The following FBXW9 variants were observed in gnomAD, a reference collection of about 807,000 sequenced individuals.
The protein encoded by FBXW9 is F-box/WD repeat-containing protein 9.
A neutral mutation model predicts 55.8 loss-of-function variants in FBXW9; 38 were observed. The ratio of observed to expected loss-of-function variants is 0.68; its 90% confidence interval spans 0.53 to 0.89. The LOEUF is 0.89. Among genes scored for constraint, FBXW9 ranks in the 40% least tolerant of loss-of-function variants. The pLI is 0.00. For missense variants in FBXW9, 590 were observed against 619.4 expected (o/e 0.95, Z 0.50); for synonymous variants, 289 against 278.2 (o/e 1.04, Z -0.38).
At chr19:12,690,886 A>C (rs1234658488) in intron 5 of FBXW9, among the ~76,000 whole-genome samples, 1 of 152,114 alleles carries the variant, frequency 6.6e-6, no homozygotes, top group Non-Finnish European at 1.5e-5. Context: ...CTGTGGTATT[A>C]TTATCTGGAT....
Position 12,689,063 on chromosome 19 carries a change from G to T in FBXW9, c.*153C>A. 1.3e-6 allele frequency: 1 copy of T among 744,114 alleles called. No homozygotes were observed. Among genetic ancestry groups the T allele is most frequent in the Non-Finnish European group, 2.4e-6 (1 of 419,564 alleles). The allele number at this position is 744,114 out of a possible 1,614,324, so 46.1% of individuals were successfully genotyped here. A position where few individuals can be genotyped will look rare whatever the true frequency, so the allele number is the denominator to read the frequency against. On this transcript the variant is annotated 3_prime_UTR_variant, in exon 10 of 10. Transcript: ENST00000393261. This position sits in a 1 kb window ranked among gnomAD's most constrained non-coding sequence, Gnocchi z 5.9. The stretch of plus-strand genomic sequence containing the variant: ...ATTTCACCCTTCCCCCGGGCATAGG[G>T]CCCAGGCCAGGACGCTCACCCGAAT...
Position 12,696,267 on chromosome 19 carries a change from C to A in FBXW9, c.315G>T (p.Arg105=). Residue 105 remains arginine (R), a synonymous_variant, in exon 1 of 10, where the codon CGG becomes CGT. Transcript: ENST00000393261. ...DARLVLHVLS[R]VCHALRDLVS... The stretch of plus-strand genomic sequence containing the variant: ...CGAGGTCGCGGAGCGCGTGGCACAC[C>A]CGCGACAGGACGTGGAGCACGAGGC... 3.2e-6 allele frequency: 5 copies of A among 1,571,328 alleles called. No individual in the cohort carries two copies. In the East Asian group the frequency reaches 1.2e-4, roughly 37 times the overall value.
chr19:12,689,789 T>A lies in FBXW9; in HGVS notation c.1118A>T (p.Asn373Ile). The A allele has an allele frequency of 1.2e-6, 2 of 1,613,960 alleles. No homozygotes were observed. The highest frequency in any genetic ancestry group is 1.7e-6 in the Non-Finnish European group (2 of 1,179,968). The part of the protein sequence containing the change: ...DNQGLLHVFA[N>I]RNGCFQLIRS... ...GATAAGCTGGAAGCAGCCGTTGCGG[T>A]TGGCGAAGACGTGCAGCAGGCCCTG... Residue 373 changes from asparagine to isoleucine, a missense_variant, in exon 7 of 10, where the codon AAC becomes ATC. Physicochemically the swap from Asn to Ile is moderately radical, Grantham distance 149. Coordinates refer to ENST00000393261, the MANE Select transcript of FBXW9 (RefSeq NM_032301.3). This position sits in a 1 kb window ranked among gnomAD's most constrained non-coding sequence, Gnocchi z 5.9.
rs769980960 is a variant in FBXW9 at position 12,696,221 on chromosome 19, T to G, written c.361A>C (p.Arg121=). 1.3e-6 allele frequency: 2 copies of G among 1,557,530 alleles called. No homozygotes were observed. Among genetic ancestry groups the G allele is most frequent in the African/African-American group, 1.4e-5 (1 of 73,266 alleles). The change falls in exon 1 of 10, where the codon AGG becomes CGG. Residue 121 remains arginine, a synonymous_variant. Coordinates refer to ENST00000393261, the MANE Select transcript of FBXW9 (RefSeq NM_032301.3). Reference sequence around the variant, plus strand: ...CGTACGCGGCGTAGCGCGCGTAGCCTCCAGGTGACATGGTCAGACACGAGG... The same window carrying G: ...CGTACGCGGCGTAGCGCGCGTAGCCGCCAGGTGACATGGTCAGACACGAGG... ...RDLVSDHVTW[R]LRALRRVRAP... is the part of the protein sequence containing the mutation.
Position 12,691,028 on chromosome 19 carries a change from T to C in FBXW9, c.883+138A>G, listed in dbSNP as rs982552300. 11 of 805,352 alleles carry C rather than the reference T, an allele frequency of 1.4e-5. No individual in the cohort carries two copies. In the East Asian group the frequency reaches 2.2e-4, roughly 16 times the overall value. The allele number at this position is 805,352 out of a possible 1,614,324, so 49.9% of individuals were successfully genotyped here. A position where few individuals can be genotyped will look rare whatever the true frequency, so the allele number is the denominator to read the frequency against. ...TCACCCGCTGCCCAAGTTGCCTGTA[T>C]TGTACCAGCACAGCATGGCCACTCT... is the stretch of plus-strand genomic sequence containing the variant. On this transcript the variant is annotated intron_variant, in intron 5 of 9. Transcript: ENST00000393261.
Position 12,690,087 on chromosome 19 carries a change from G to A in FBXW9, c.907C>T (p.Gln303Ter), listed in dbSNP as rs2024985648. 1.2e-6 allele frequency: 2 copies of A among 1,613,954 alleles called. No individual in the cohort carries two copies. Among genetic ancestry groups the A allele is most frequent in the Non-Finnish European group, 1.7e-6 (2 of 1,180,010 alleles). The stretch of plus-strand genomic sequence containing the variant: ...AGCACGGGTCTGGAGTGTAGTTGCT[G>A]GTGCTTCAACAGGGCTGGGCCGGCT... ...PRAGPALLKH[Q>*]QLHSRPVLTL... The change falls in exon 6 of 10, where the codon CAG (glutamine) becomes TAG (stop). Residue 303 changes from glutamine to a stop codon, truncating the protein, a stop_gained. Coordinates refer to ENST00000393261, the MANE Select transcript of FBXW9 (RefSeq NM_032301.3). LOFTEE classifies it high-confidence loss of function.
chr19:12,696,585 G>C lies in FBXW9; in HGVS notation c.-4C>G. 1 of 1,606,436 alleles carries C rather than the reference G, an allele frequency of 6.2e-7. No homozygotes were observed. Among genetic ancestry groups the C allele is most frequent in the Non-Finnish European group, 8.5e-7 (1 of 1,179,376 alleles). On this transcript the variant is annotated 5_prime_UTR_variant, in exon 1 of 10. Transcript: ENST00000393261. ...ACCGCCCTAGGGGAAGCTCCATTGC[G>C]ACCGGGTGGGCGCTGCCGGCCTCGC...
At position 12,694,683 on chromosome 19, in the gene FBXW9, C is replaced by T. The variant is rs770387266; in HGVS notation, c.589G>A (p.Val197Ile). 5 of 1,614,216 alleles carry T rather than the reference C, an allele frequency of 3.1e-6. No homozygotes were observed. The East Asian group carries it at 6.7e-5, about 22-fold the overall frequency. ...LCLSGSRDRNVNLWDLRQLGT... is the reference protein window; with the variant it reads ...LCLSGSRDRNINLWDLRQLGT... Reference sequence around the variant, plus strand: ...AGCTGCCGCAGGTCCCACAAGTTGACGTTGCGATCTCGGGAGCCCGACAGA... The same window carrying T: ...AGCTGCCGCAGGTCCCACAAGTTGATGTTGCGATCTCGGGAGCCCGACAGA... Residue 197 changes from valine (V) to isoleucine (I), a missense_variant, in exon 3 of 10, where the codon GTC (valine) becomes ATC (isoleucine). By Grantham distance (29) the Val-to-Ile change is conservative. Coordinates refer to ENST00000393261, the MANE Select transcript of FBXW9 (RefSeq NM_032301.3).
intron 3 of FBXW9, 88 bp downstream of exon 3, chr19:12,694,506 A>G: frequency 7.1e-7 from 1 of 1,414,954 alleles, no homozygotes; most frequent in African/African-American, 1.5e-5. Context: ...TCAGATTCAA[A>G]TCTATGCGGT....
intron 1 of FBXW9, 24 bp downstream of exon 1, chr19:12,696,149 T>G: frequency 6.9e-7 from 1 of 1,453,480 alleles, no homozygotes; most frequent in Non-Finnish European, 9.1e-7. Flanking sequence ...CGGCCCCCGG[T>G]CCCCGGCCCC....
chr19:12,695,618 A>G (rs2025061853), intron 1 of FBXW9, among the ~76,000 whole-genome samples: 1 of 152,142 alleles, frequency 6.6e-6, no homozygotes, highest in Non-Finnish European at 1.5e-5. Flanking sequence ...TATCAGGATC[A>G]ACAATATCGA....
rs1568326331 is a variant in FBXW9 at position 12,693,582 on chromosome 19, ACACACACACACACACACACAC to A, written c.678+991_678+1011del. On this transcript the variant is annotated intron_variant, in intron 3 of 9. Transcript: ENST00000393261. The stretch of plus-strand genomic sequence containing the variant: ...TATATACACACACACACACACACAC[ACACACACACACACACACACAC>A]ACACAAAAGAAATTAGCTGGGCATG... 5.5e-4 allele frequency among the ~76,000 whole-genome samples: 62 copies of A among 113,438 alleles called. 8 individuals are homozygous for A. The highest frequency in any genetic ancestry group is 3.3e-3 in the African/African-American group (60 of 18,134). 74.4% of individuals were successfully genotyped at this position (113,438 alleles called of 152,430 possible). A position where few individuals can be genotyped will look rare whatever the true frequency, so the allele number is the denominator to read the frequency against.
intron 1 of FBXW9, among the ~76,000 whole-genome samples, chr19:12,695,941 G>C (rs928743188): frequency 4.6e-5 from 7 of 152,176 alleles, no homozygotes; most frequent in African/African-American, 1.7e-4. Flanking sequence ...CCCCATGTTA[G>C]GGTTTCACAG....
chr19:12,691,384 AG>A lies in FBXW9; in HGVS notation c.748del (p.Leu250SerfsTer14). ...CTGCCCATCCGCTGCCATGTCCCAG[AG>A]CTTCACTGTGCTGTCCCAGGAGCCG... ...CSGSWDSTVK[L>X]WDMAADGQQF... On this transcript the variant is annotated frameshift_variant, in exon 4 of 10. Transcript: ENST00000393261. LOFTEE classifies it high-confidence loss of function. 1 of 1,612,994 alleles carries A rather than the reference AG, an allele frequency of 6.2e-7. No homozygotes were observed. Among genetic ancestry groups the A allele is most frequent in the Non-Finnish European group, 8.5e-7 (1 of 1,179,588 alleles).
In FBXW9 at chr19:12,696,574, A is replaced by C; in HGVS notation, c.8T>G (p.Leu3Arg). The C allele has an allele frequency of 6.2e-7, 1 of 1,609,068 alleles. No individual in the cohort carries two copies. Among genetic ancestry groups the C allele is most frequent in the Non-Finnish European group, 8.5e-7 (1 of 1,179,652 alleles). Residue 3 changes from leucine to arginine, a missense_variant, in exon 1 of 10, where the codon CTT becomes CGT. Transcript: ENST00000393261. The part of the protein sequence containing the change: ME[L>R]PLGRCDDSRT... The stretch of plus-strand genomic sequence containing the variant: ...GGAATCATCGCACCGCCCTAGGGGA[A>C]GCTCCATTGCGACCGGGTGGGCGCT...
Position 12,689,780 on chromosome 19 carries a change from C to A in FBXW9, c.1127G>T (p.Gly376Val), listed in dbSNP as rs62108390. The A allele has an allele frequency of 1.2e-6, 2 of 1,614,072 alleles. No homozygotes were observed. Among genetic ancestry groups the A allele is most frequent in the Middle Eastern group, 1.6e-4 (1 of 6,062 alleles). Residue 376 changes from glycine to valine, a missense_variant, in exon 7 of 10, where the codon GGC becomes GTC. Gly to Val is a moderately radical substitution (Grantham distance 109). Coordinates refer to ENST00000393261, the MANE Select transcript of FBXW9 (RefSeq NM_032301.3). The surrounding 1 kb of genome is among the most constrained non-coding windows in gnomAD (Gnocchi z 5.9). ...GCAGACCCGGATAAGCTGGAAGCAGCCGTTGCGGTTGGCGAAGACGTGCAG... is the reference window on the plus strand; with the variant it reads ...GCAGACCCGGATAAGCTGGAAGCAGACGTTGCGGTTGGCGAAGACGTGCAG... Reference protein sequence around the residue: ...GLLHVFANRNGCFQLIRSFDV... With the variant: ...GLLHVFANRNVCFQLIRSFDV...
intron 3 of FBXW9, 152 bp from the exon 4 acceptor site, chr19:12,691,606 G>A: frequency 4.6e-6 from 3 of 649,304 alleles, no homozygotes; most frequent in Non-Finnish European, 5.4e-6. Flanking sequence ...GGTGATAGAT[G>A]CTGCAGCAAG....
chr19:12,691,090 G>T, intron 5 of FBXW9, 76 bp downstream of exon 5: 1 of 1,282,048 alleles, frequency 7.8e-7, no homozygotes, highest in Non-Finnish European at 1.1e-6. Context: ...TATGACCCCA[G>T]CCAGGCTGTG....
At chr19:12,695,023 G>T (rs1319152079) in intron 1 of FBXW9, 85 bp from the exon 2 acceptor site, 14 of 1,488,958 alleles carry the variant, frequency 9.4e-6, no homozygotes, top group Non-Finnish European at 1.3e-5. Flanking sequence ...TGGCTTCCAG[G>T]GAGCCCACAC....
Sources: allele counts gnomAD v4.1 joint callset (sites outside exome capture counted in the v4.1 genomes callset), GRCh38; gene constraint gnomAD v4.1.1; non-coding constraint Gnocchi (gnomAD v3.1); transcripts MANE v1.5; gene names NCBI Gene and HGNC (gene_info 2026-07-23, HGNC 2026-07-21).